Variants in GREM2 observed in about 807,000 individuals in gnomAD.
GREM2 encodes gremlin 2, DAN family BMP antagonist.
Under a neutral mutation model 14.2 loss-of-function variants are expected in GREM2, and 11 were observed. That is an observed-to-expected ratio of 0.78 (90% CI 0.49 to 1.28). The LOEUF is 1.28. GREM2 is among the 50% of genes most tolerant of loss of function. The pLI is 0.00. For missense variants in GREM2, 210 were observed against 218.5 expected (o/e 0.96, Z 0.24); for synonymous variants, 98 against 97.6 (o/e 1.00, Z -0.02).
At chr1:240,606,510 T>G (rs548294731) in intron 1 of GREM2, among the ~76,000 whole-genome samples, 8 of 152,330 alleles carry the variant, frequency 5.3e-5, no homozygotes, top group African/African-American at 1.9e-4. Context: ...ATTCCTGGTC[T>G]TTCCTACTAG....
intron 1 of GREM2, among the ~76,000 whole-genome samples, chr1:240,597,602 T>G (rs1403469897): frequency 6.6e-6 from 1 of 152,206 alleles, no homozygotes; most frequent in African/African-American, 2.4e-5. Flanking sequence ...CCTAGTGACC[T>G]GGGAGCTGCT....
At chr1:240,531,727 T>C in intron 1 of GREM2, 1 of 876,036 alleles carries the variant, frequency 1.1e-6, no homozygotes, top group Non-Finnish European at 1.3e-6. Flanking sequence ...TTTTTTTTTT[T>C]GAGACAGTTT....
At chr1:240,587,307 CTTTTT>C (rs1475531291) in intron 1 of GREM2, among the ~76,000 whole-genome samples, 1 of 150,506 alleles carries the variant, frequency 6.6e-6, no homozygotes, top group African/African-American at 2.4e-5. Context: ...TCTTTTCTTT[CTTTTT>C]TTCTTTTTTC....
chr1:240,580,075 A>G (rs1267838586), intron 1 of GREM2, among the ~76,000 whole-genome samples: 2 of 152,120 alleles, frequency 1.3e-5, no homozygotes, highest in Non-Finnish European at 2.9e-5. Flanking sequence ...CTGAAATTGG[A>G]GCAACTCTAA....
intron 1 of GREM2, among the ~76,000 whole-genome samples, chr1:240,513,366 A>G (rs1476776706): frequency 6.6e-6 from 1 of 152,000 alleles, no homozygotes; most frequent in African/African-American, 2.4e-5. Context: ...CGCGAGGTCA[A>G]GAGATCGAGA....
At chr1:240,531,107 C>T (rs183921038) in intron 1 of GREM2, among the ~76,000 whole-genome samples, 1 of 152,150 alleles carries the variant, frequency 6.6e-6, no homozygotes, top group Non-Finnish European at 1.5e-5. Context: ...CCAAAATACT[C>T]ATGGAATTAG....
At chr1:240,527,966 A>G (rs1259597785) in intron 1 of GREM2, among the ~76,000 whole-genome samples, 2 of 152,222 alleles carry the variant, frequency 1.3e-5, no homozygotes, top group Non-Finnish European at 2.9e-5. Flanking sequence ...AAAATAAAAA[A>G]GGATTAAATA....
intron 1 of GREM2, among the ~76,000 whole-genome samples, chr1:240,585,344 C>A (rs1679573768): frequency 6.6e-6 from 1 of 152,030 alleles, no homozygotes; most frequent in African/African-American, 2.4e-5. Flanking sequence ...TCAGCTGTGA[C>A]CAAGGGTTAA....
chr1:240,510,330 A>C (rs544546468), intron 1 of GREM2, among the ~76,000 whole-genome samples: 15 of 127,152 alleles, frequency 1.2e-4, no homozygotes, highest in African/African-American at 4.1e-4. Flanking sequence ...AGATCGCGCC[A>C]CTGCACTCCA....
intron 1 of GREM2, among the ~76,000 whole-genome samples, chr1:240,567,721 T>A (rs1572402448): frequency 1.3e-5 from 2 of 152,328 alleles, no homozygotes; most frequent in East Asian, 3.9e-4. Flanking sequence ...TACAGAGGGA[T>A]GTAGAGCAAC....
intron 1 of GREM2, among the ~76,000 whole-genome samples, chr1:240,502,995 G>GA (rs562397161): frequency 7.4e-4 from 112 of 152,302 alleles, no homozygotes; most frequent in Admixed American, 1.2e-3. Context: ...CATGCCAGGA[G>GA]AAACTACCAT....
intron 1 of GREM2, among the ~76,000 whole-genome samples, chr1:240,589,423 G>A (rs542111139): frequency 1.9e-4 from 27 of 143,178 alleles, no homozygotes; most frequent in African/African-American, 5.9e-4. Flanking sequence ...CAACAAAAGC[G>A]AAACTCCATC....
chr1:240,511,684 T>TG (rs1387255570), intron 1 of GREM2, among the ~76,000 whole-genome samples: 1 of 151,920 alleles, frequency 6.6e-6, no homozygotes, highest in Non-Finnish European at 1.5e-5. Context: ...ACCTGAGAGG[T>TG]GGAGTTTGCG....
chr1:240,515,441 A>T (rs1053539628), intron 1 of GREM2, among the ~76,000 whole-genome samples: 1 of 152,170 alleles, frequency 6.6e-6, no homozygotes, highest in Non-Finnish European at 1.5e-5. Flanking sequence ...CTTTAATGAG[A>T]TCAAAGTACA....
intron 1 of GREM2, among the ~76,000 whole-genome samples, chr1:240,496,485 G>C (rs1158163136): frequency 6.6e-6 from 1 of 152,138 alleles, no homozygotes; most frequent in Non-Finnish European, 1.5e-5. Context: ...TGTAGCGAAG[G>C]CTTAGAGTTA....
At chr1:240,601,228 G>T (rs1312143871) in intron 1 of GREM2, among the ~76,000 whole-genome samples, 1 of 152,186 alleles carries the variant, frequency 6.6e-6, no homozygotes, top group Non-Finnish European at 1.5e-5. Context: ...TCGTAAGACA[G>T]CGCTATACAA....
chr1:240,597,143 C>CAT (rs1679833942), intron 1 of GREM2, among the ~76,000 whole-genome samples: 1 of 152,180 alleles, frequency 6.6e-6, no homozygotes, highest in South Asian at 2.1e-4. Flanking sequence ...TCCAAGAATC[C>CAT]ATTTTAATGA....
At chr1:240,527,563 T>C (rs1300686039) in intron 1 of GREM2, among the ~76,000 whole-genome samples, 4 of 152,162 alleles carry the variant, frequency 2.6e-5, no homozygotes, top group African/African-American at 9.7e-5. Context: ...AGTGTGTTTA[T>C]AAGAGGTCTG....
At chr1:240,591,317 C>A (rs143168750) in intron 1 of GREM2, among the ~76,000 whole-genome samples, 3 of 152,104 alleles carry the variant, frequency 2.0e-5, no homozygotes, top group African/African-American at 7.2e-5. Flanking sequence ...GCGACTAACA[C>A]GTACAAGGGA....
Sources: gnomAD v4.1 joint callset for allele counts (sites outside exome capture counted in the v4.1 genomes callset) on GRCh38, gnomAD v4.1.1 for gene constraint, MANE v1.5 for transcripts, NCBI Gene and HGNC (gene_info 2026-07-23, HGNC 2026-07-21) for gene names.